Variants in ARFGEF1 observed in about 807,000 individuals in gnomAD.
The protein encoded by ARFGEF1 is brefeldin A-inhibited guanine nucleotide-exchange protein 1.
Under a neutral mutation model 231.0 loss-of-function variants are expected in ARFGEF1, and 42 were observed. The observed-to-expected ratio is 0.18, with a 90% confidence interval of 0.14 to 0.24. The LOEUF is 0.24. Ranked by LOEUF, ARFGEF1 falls within the 10% of genes least tolerant of loss-of-function variation. The pLI is 1.00. For synonymous variants in ARFGEF1, 710 were observed against 732.3 expected (o/e 0.97, Z 0.49); for missense variants, 1,345 against 2,192.0 (o/e 0.61, Z 7.72).
intron 5 of ARFGEF1, among the ~76,000 whole-genome samples, chr8:67,185,327 G>C (rs1834284310): frequency 6.6e-6 from 1 of 152,182 alleles, no homozygotes; most frequent in African/African-American, 2.4e-5. Flanking sequence ...GGCCGACAAA[G>C]ATTATCACTT....
intron 9 of ARFGEF1, among the ~76,000 whole-genome samples, chr8:67,274,921 G>A (rs1157749579): frequency 6.6e-6 from 1 of 152,030 alleles, no homozygotes; most frequent in Non-Finnish European, 1.5e-5. Flanking sequence ...GTTGATTTCT[G>A]ACTTAGGGTT....
chr8:67,302,603 TAA>T, intron 1 of ARFGEF1, 137 bp from the exon 2 acceptor site: 1 of 520,652 alleles, frequency 1.9e-6, no homozygotes, highest in Non-Finnish European at 3.3e-6. Context: ...AATTAGATGC[TAA>T]AATTGTTTCA....
rs765610391 is a variant in ARFGEF1 at position 67,343,156 on chromosome 8, C to A, written c.124+8G>T. The A allele has an allele frequency of 1.3e-5, 21 of 1,607,594 alleles. No individual in the cohort carries two copies. Among genetic ancestry groups the A allele is most frequent in the Non-Finnish European group, 1.5e-5 (18 of 1,178,000 alleles). On this transcript the variant is annotated splice_region_variant and intron_variant, in intron 1 of 38. Coordinates refer to ENST00000262215, the MANE Select transcript of ARFGEF1 (RefSeq NM_006421.5). ...GCACCCCATCCCCCGGGCCTCCTCC[C>A]CGCTCACCTAACGCCACCTCGCAAG...
intron 3 of ARFGEF1, 22 bp downstream of exon 3, chr8:67,301,202 G>T: frequency 6.4e-7 from 1 of 1,564,168 alleles, no homozygotes; most frequent in South Asian, 1.2e-5. Flanking sequence ...ACAGTTTTTA[G>T]AAAGTGCCAT....
chr8:67,277,367 T>C lies in ARFGEF1; in HGVS notation c.1118A>G (p.Asn373Ser), dbSNP rs760320186. 4 of 1,613,792 alleles carry C rather than the reference T, an allele frequency of 2.5e-6. No homozygotes were observed. The South Asian group carries it at 3.3e-5, about 13-fold the overall frequency. ...AGAAATTGGTGTTCCTGGAATTCCA[T>C]TTGCTTGAATATTTTCACTGTCACT... Reference protein sequence around the residue: ...DGSDSENIQANGIPGTPISVA... With the variant: ...DGSDSENIQASGIPGTPISVA... The change falls in exon 8 of 39, where the codon AAT (asparagine) becomes AGT (serine). Residue 373 changes from asparagine to serine, a missense_variant. Asn to Ser is a conservative substitution (Grantham distance 46). Transcript: ENST00000262215.
chr8:67,267,267 C>A (rs761898976), intron 11 of ARFGEF1, 37 bp from the exon 12 acceptor site: 1 of 1,605,202 alleles, frequency 6.2e-7, no homozygotes, highest in Admixed American at 1.7e-5. Flanking sequence ...CAAAGTACAT[C>A]TAGGATATGA....
chr8:67,188,331 C>G (rs953388547), intron 5 of ARFGEF1, among the ~76,000 whole-genome samples: 2 of 152,210 alleles, frequency 1.3e-5, no homozygotes, highest in African/African-American at 4.8e-5. Context: ...CTAAGCCTAG[C>G]TGGGAAGGTG....
intron 34 of ARFGEF1, among the ~76,000 whole-genome samples, chr8:67,209,073 C>T (rs1013695580): frequency 6.6e-6 from 1 of 152,216 alleles, no homozygotes; most frequent in Non-Finnish European, 1.5e-5. Context: ...TATGAGCTAG[C>T]AATTCCACTC....
At chr8:67,302,490 T>C (rs778470541) in intron 1 of ARFGEF1, 24 bp from the exon 2 acceptor site, 4 of 1,546,896 alleles carry the variant, frequency 2.6e-6, no homozygotes, top group Non-Finnish European at 3.5e-6. Flanking sequence ...AAAAGAAGCA[T>C]ACATTAGAAA....
At chr8:67,222,196 T>TATACACAC in intron 29 of ARFGEF1, among the ~76,000 whole-genome samples, 3 of 141,232 alleles carry the variant, frequency 2.1e-5, no homozygotes, top group African/African-American at 8.1e-5. Context: ...TATATATATA[T>TATACACAC]ATATATATAC....
At position 67,236,399 on chromosome 8, in the gene ARFGEF1, T is replaced by A. The variant is rs1406728449; in HGVS notation, c.3289+1944A>T. Among the ~76,000 whole-genome samples, 10 of 97,732 alleles carry A rather than the reference T, an allele frequency of 1.0e-4. No individual in the cohort carries two copies. In the South Asian group the frequency reaches 1.6e-3, roughly 16 times the overall value. 64.1% of individuals were successfully genotyped at this position (97,732 alleles called of 152,430 possible). Reference sequence around the variant, plus strand: ...ATATATATATATATATATATATATATATATATATATATGTATCCACTGTAT... The same window carrying A: ...ATATATATATATATATATATATATAAATATATATATATGTATCCACTGTAT... On this transcript the variant is annotated intron_variant, in intron 22 of 38. Transcript: ENST00000262215.
chr8:67,328,791 T>TAA (rs1807958028), intron 1 of ARFGEF1, among the ~76,000 whole-genome samples: 1 of 152,230 alleles, frequency 6.6e-6, no homozygotes, highest in South Asian at 2.1e-4. Context: ...AATGTCTTTA[T>TAA]AAATCAAGAA....
chr8:67,253,680 T>C, intron 17 of ARFGEF1, 58 bp from the exon 18 acceptor site: 1 of 937,736 alleles, frequency 1.1e-6, no homozygotes, highest in East Asian at 3.0e-5. Flanking sequence ...ACACTTGTAT[T>C]TTAAGGATAT....
intron 33 of ARFGEF1, among the ~76,000 whole-genome samples, chr8:67,213,216 G>T (rs2129577917): frequency 6.6e-6 from 1 of 152,270 alleles, no homozygotes. Context: ...TAAAAGTTGT[G>T]GGGAACAAAT....
Position 67,274,829 on chromosome 8 carries a change from G to A in ARFGEF1, c.1337+1147C>T, listed in dbSNP as rs920199133. ...CTCAAAGTAGGTCTTCATTGATTCA[G>A]AATGAGATGTTAAAACTGGTGATTT... On this transcript the variant is annotated intron_variant, in intron 9 of 38. Transcript: ENST00000262215. Among the ~76,000 whole-genome samples the A allele has an allele frequency of 6.6e-5, 10 of 152,076 alleles. 1 individual carries two copies. The highest frequency in any genetic ancestry group is 3.9e-4 in the Admixed American group (6 of 15,278).
chr8:67,288,155 T>C, intron 6 of ARFGEF1, 90 bp from the exon 7 acceptor site: 1 of 711,048 alleles, frequency 1.4e-6, no homozygotes, highest in East Asian at 3.0e-5. Context: ...TCCTAAATCA[T>C]GAGGAATAAA....
intron 1 of ARFGEF1, among the ~76,000 whole-genome samples, chr8:67,316,657 G>A (rs1163898616): frequency 6.6e-6 from 1 of 151,952 alleles, no homozygotes; most frequent in African/African-American, 2.4e-5. Flanking sequence ...ACAGGGTTTT[G>A]CCATGTTGCT....
downstream of ARFGEF1, among the ~76,000 whole-genome samples, chr8:67,197,281 TA>T (rs745380162): frequency 1.7e-4 from 25 of 147,938 alleles, no homozygotes; most frequent in Admixed American, 2.7e-4. Flanking sequence ...ATCCCATCTC[TA>T]AAAAAAAAAA....
Position 67,253,548 on chromosome 8 carries a change from T to C in ARFGEF1, c.2601A>G (p.Glu867=). 1 of 1,587,582 alleles carries C rather than the reference T, an allele frequency of 6.3e-7. No individual in the cohort carries two copies. Among genetic ancestry groups the C allele is most frequent in the Non-Finnish European group, 8.6e-7 (1 of 1,156,958 alleles). The part of the protein sequence containing the change: ...RGINDSKDLP[E]EYLSAIYNEI... ...CATTATAGATGGCTGATAGATACTC[T>C]TCAGGAAGGTCTTTACTGTCATTGA... is the stretch of plus-strand genomic sequence containing the variant. Residue 867 remains glutamate (E), a synonymous_variant, in exon 18 of 39, where the codon GAA becomes GAG. Coordinates refer to ENST00000262215, the MANE Select transcript of ARFGEF1 (RefSeq NM_006421.5).
Sources: gnomAD v4.1 joint callset for allele counts (sites outside exome capture counted in the v4.1 genomes callset) on GRCh38, gnomAD v4.1.1 for gene constraint, MANE v1.5 for transcripts, NCBI Gene and HGNC (gene_info 2026-07-23, HGNC 2026-07-21) for gene names.